NUCB2: variants seen among roughly 807,000 people sequenced by gnomAD.
NUCB2 encodes nucleobindin 2.
A neutral mutation model predicts 57.9 loss-of-function variants in NUCB2; 48 were observed. The observed-to-expected ratio is 0.83, with a 90% CI of 0.66 to 1.05. The LOEUF (loss-of-function observed/expected upper bound fraction) is 1.05, where lower values mean the gene tolerates loss of function less well. Among genes scored for constraint, NUCB2 ranks in the 50% least tolerant of loss-of-function variants. The probability of loss-of-function intolerance (pLI) is 0.00; values close to 1 mark genes in which losing one functional copy is unlikely to be tolerated. For missense variants in NUCB2, 442 were observed against 476.2 expected (o/e 0.93, Z 0.67); for synonymous variants, 139 against 152.1 (o/e 0.91, Z 0.64).
intron 4 of NUCB2, among the ~76,000 whole-genome samples, chr11:17,299,164 A>G (rs562562221): frequency 6.6e-6 from 1 of 152,296 alleles, no homozygotes; most frequent in East Asian, 1.9e-4. Context: ...TCTAGTGAAC[A>G]TCCTAACATC....
At chr11:17,316,494 T>G (rs1949266704) in intron 11 of NUCB2, among the ~76,000 whole-genome samples, 1 of 152,202 alleles carries the variant, frequency 6.6e-6, no homozygotes, top group Non-Finnish European at 1.5e-5. Context: ...ATTCCAGTAT[T>G]TTACTGTAAT....
rs117354226 is a variant in NUCB2, at chr11:17,338,371, C to T, written n.2626+837C>T. 3.9e-3 allele frequency among the ~76,000 whole-genome samples: 588 copies of T among 152,240 alleles called. 1 individual carries two copies. The highest frequency in any genetic ancestry group is 6.1e-3 in the Non-Finnish European group (412 of 68,028). ...TGCCATGTAGCAGTTTGATTGTCAGCCAGCCCTTGACAGTGCACTTCTCTT... is the reference window on the plus strand; with the variant it reads ...TGCCATGTAGCAGTTTGATTGTCAGTCAGCCCTTGACAGTGCACTTCTCTT... On this transcript the variant is annotated intron_variant and non_coding_transcript_variant, in intron 2 of 2. Transcript: ENST00000532240.
chr11:17,315,438 C>T lies in NUCB2; in HGVS notation c.965C>T (p.Thr322Ile). ...ACTCTGGAGGAGTTTTTGAAAGCCA[C>T]AGAAAAAAAAGAATTCTTGGAGCCA... ...LVTLEEFLKA[T>I]EKKEFLEPDS... The change falls in exon 11 of 14, where the codon ACA (threonine) becomes ATA (isoleucine). Residue 322 changes from threonine (T) to isoleucine (I), a missense_variant. Coordinates refer to ENST00000529010, the MANE Select transcript of NUCB2 (RefSeq NM_005013.4). The T allele has an allele frequency of 1.2e-6, 2 of 1,611,002 alleles. No individual in the cohort carries two copies. The highest frequency in any genetic ancestry group is 1.7e-6 in the Non-Finnish European group (2 of 1,178,112).
intron 4 of NUCB2, among the ~76,000 whole-genome samples, chr11:17,301,306 C>A (rs1285782506): frequency 2.3e-5 from 2 of 87,212 alleles, no homozygotes; most frequent in East Asian, 3.9e-4. Context: ...GAGACAGAGT[C>A]TCGCTCTTGT....
At position 17,288,938 on chromosome 11, in the gene NUCB2, CACACACACACACATAT is replaced by C. The variant is rs1316423557; in HGVS notation, c.-1+5997_-1+6012del. 6.3e-4 allele frequency among the ~76,000 whole-genome samples: 52 copies of C among 82,870 alleles called. 1 individual carries two copies. Among genetic ancestry groups the C allele is most frequent in the Middle Eastern group, 0.011 (2 of 184 alleles). The allele number at this position is 82,870 out of a possible 152,430, so 54.4% of individuals were successfully genotyped here. A position where few individuals can be genotyped will look rare whatever the true frequency, so the allele number is the denominator to read the frequency against. On this transcript the variant is annotated intron_variant, in intron 2 of 13. Coordinates refer to ENST00000529010, the MANE Select transcript of NUCB2 (RefSeq NM_005013.4). Reference sequence around the variant, plus strand: ...ACACACACACACACACACACACACACACACACACACACATATATATATATATTTTTTTTTTTTGAGA... The same window carrying C: ...ACACACACACACACACACACACACACATATATATATTTTTTTTTTTTGAGA...
At chr11:17,326,706 G>A (rs148698682) in intron 11 of NUCB2, among the ~76,000 whole-genome samples, 131 of 152,158 alleles carry the variant, frequency 8.6e-4, no homozygotes, top group Middle Eastern at 3.4e-3. Flanking sequence ...TCGGTTCCTC[G>A]TTTGGTCTTT....
downstream of NUCB2, among the ~76,000 whole-genome samples, chr11:17,336,565 T>C (rs1951813257): frequency 6.6e-6 from 1 of 151,370 alleles, no homozygotes; most frequent in Admixed American, 6.6e-5. Flanking sequence ...CCATCCTGGC[T>C]AACACGGTGA....
chr11:17,282,557 G>A lies in NUCB2; in HGVS notation c.-155-232G>A, dbSNP rs146292146. On this transcript the variant is annotated intron_variant, in intron 1 of 13. Transcript: ENST00000529010. The stretch of plus-strand genomic sequence containing the variant: ...ATTACAAGCAGGAGCCACCGTGCCC[G>A]GCCAACATCTTTGTTTATTCCGGTT... Among the ~76,000 whole-genome samples the A allele has an allele frequency of 6.7e-4, 101 of 151,842 alleles. No individual in the cohort carries two copies. The East Asian group carries it at 0.018, about 27-fold the overall frequency.
chr11:17,288,894 C>T (rs1944345733), intron 2 of NUCB2, among the ~76,000 whole-genome samples: 3 of 45,012 alleles, frequency 6.7e-5, no homozygotes, highest in African/African-American at 3.5e-4. Flanking sequence ...CACACACACA[C>T]ACACACACAC....
At chr11:17,325,436 T>C (rs1454303061) in intron 11 of NUCB2, among the ~76,000 whole-genome samples, 2 of 152,202 alleles carry the variant, frequency 1.3e-5, no homozygotes, top group Non-Finnish European at 2.9e-5. Context: ...TCATTTTCTT[T>C]GTCTCTTCTT....
chr11:17,345,541 T>C (rs996904261), intron 2 of NUCB2, among the ~76,000 whole-genome samples: 2 of 152,136 alleles, frequency 1.3e-5, no homozygotes, highest in Non-Finnish European at 2.9e-5. Flanking sequence ...ACCCCATCTC[T>C]ACTAAAAATA....
intron 5 of NUCB2, 147 bp downstream of exon 5, chr11:17,302,017 A>C: frequency 8.2e-5 from 50 of 606,118 alleles, no homozygotes; most frequent in Non-Finnish European, 9.8e-5. Context: ...CTCCCATCTC[A>C]ACCTCCTGAG....
At chr11:17,287,794 G>GT (rs1427287297) in intron 2 of NUCB2, among the ~76,000 whole-genome samples, 1 of 152,004 alleles carries the variant, frequency 6.6e-6, no homozygotes, top group East Asian at 1.9e-4. Context: ...GAGGTCAGGA[G>GT]TTTGAGACCA....
chr11:17,326,395 G>A lies in NUCB2; in HGVS notation c.1003-3732G>A, dbSNP rs562109605. 6.2e-5 allele frequency among the ~76,000 whole-genome samples: 8 copies of A among 129,748 alleles called. No homozygotes were observed. In the South Asian group the frequency reaches 8.1e-4, roughly 13 times the overall value. The allele number at this position is 129,748 out of a possible 152,430, so 85.1% of individuals were successfully genotyped here. On this transcript the variant is annotated intron_variant, in intron 11 of 13. Coordinates refer to ENST00000529010, the MANE Select transcript of NUCB2 (RefSeq NM_005013.4). ...TGTAATGGTGCAATCTCAGCTCACC[G>A]CAACCTCTGCCTCCTGGGTTCAAGC...
chr11:17,288,336 G>A (rs1176014885), intron 2 of NUCB2, among the ~76,000 whole-genome samples: 1 of 151,790 alleles, frequency 6.6e-6, no homozygotes, highest in East Asian at 1.9e-4. Context: ...AATATCGATG[G>A]AATCTTTTAT....
intron 2 of NUCB2, among the ~76,000 whole-genome samples, chr11:17,285,242 A>G (rs921345485): frequency 3.3e-5 from 5 of 152,100 alleles, no homozygotes; most frequent in African/African-American, 4.8e-5. Context: ...CCTGGCTAAC[A>G]TGGTGAAACC....
rs55840697 is a variant in NUCB2, at chr11:17,282,262, T to A, written c.-155-527T>A. On this transcript the variant is annotated intron_variant, in intron 1 of 13. Coordinates refer to ENST00000529010, the MANE Select transcript of NUCB2 (RefSeq NM_005013.4). ...TATATATATATATATATATATATTT[T>A]TTTTTTTTTTTCCCAAGACAGAGTC... Among the ~76,000 whole-genome samples the A allele has an allele frequency of 6.0e-3, 612 of 102,766 alleles. 2 individuals carry two copies. Among genetic ancestry groups the A allele is most frequent in the Middle Eastern group, 9.4e-3 (2 of 212 alleles). 67.4% of individuals were successfully genotyped at this position (102,766 alleles called of 152,430 possible). A position where few individuals can be genotyped will look rare whatever the true frequency, so the allele number is the denominator to read the frequency against.
At chr11:17,302,547 G>C (rs911896337) in intron 5 of NUCB2, among the ~76,000 whole-genome samples, 4 of 151,946 alleles carry the variant, frequency 2.6e-5, no homozygotes, top group African/African-American at 7.3e-5. Flanking sequence ...ACAAGATCCA[G>C]ACCATTTCTT....
rs1219063631 is a variant in NUCB2, at chr11:17,300,778, A to G, written c.253-966A>G. ...ACATGTTTTCTGTTCTTTTAGTTAT[A>G]TATCTAGGAATGGAATTGTTGGGTC... On this transcript the variant is annotated intron_variant, in intron 4 of 13. Transcript: ENST00000529010. Among the ~76,000 whole-genome samples, 2 of 152,016 alleles carry G rather than the reference A, an allele frequency of 1.3e-5. 1 individual carries two copies. Among genetic ancestry groups the G allele is most frequent in the Admixed American group, 1.3e-4 (2 of 15,254 alleles).
Sources: allele counts gnomAD v4.1 joint callset (sites outside exome capture counted in the v4.1 genomes callset), GRCh38; gene constraint gnomAD v4.1.1; transcripts MANE v1.5; gene names NCBI Gene and HGNC (gene_info 2026-07-23, HGNC 2026-07-21).